ALOX15: variants seen among roughly 807,000 people sequenced by gnomAD.
The protein encoded by ALOX15 is arachidonate 15-lipoxygenase, also known as polyunsaturated fatty acid lipoxygenase ALOX15.
A neutral mutation model predicts 71.7 loss-of-function variants in ALOX15; 68 were observed. That is an observed-to-expected ratio of 0.95 (90% CI 0.78 to 1.16). The LOEUF is 1.16. Ranked by LOEUF, ALOX15 falls within the 50% of genes most tolerant of loss-of-function variation. The pLI is 0.00. For synonymous variants in ALOX15, 346 were observed against 333.3 expected (o/e 1.04, Z -0.42); for missense variants, 798 against 818.8 (o/e 0.97, Z 0.31).
Position 4,631,752 on chromosome 17 carries a change from A to C in ALOX15, c.1837T>G (p.Tyr613Asp). 6 of 1,613,614 alleles carry C rather than the reference A, an allele frequency of 3.7e-6. No individual in the cohort carries two copies. Among genetic ancestry groups the C allele is most frequent in the Non-Finnish European group, 5.1e-6 (6 of 1,179,946 alleles). ...MVAVGQHEEE[Y>D]FSGPEPKAVL... ...GCCTTAGGCTCAGGGCCCGAAAAAT[A>C]CTCCTCCTCATGCTGGCCCACAGCC... The change falls in exon 14 of 14, where the codon TAT becomes GAT. Residue 613 changes from tyrosine to aspartate, a missense_variant. This residue lies in a region of ALOX15 where 490 missense variants were observed against 509.4 expected (regional missense o/e 0.96). Coordinates refer to ENST00000293761, the MANE Select transcript of ALOX15 (RefSeq NM_001140.5).
At position 4,639,048 on chromosome 17, in the gene ALOX15, CACCGGTACA is replaced by C. The variant is rs1567648767; in HGVS notation, c.413_419+2del. 10 of 1,614,210 alleles carry C rather than the reference CACCGGTACA, an allele frequency of 6.2e-6. No homozygotes were observed. Among genetic ancestry groups the C allele is most frequent in the Non-Finnish European group, 7.6e-6 (9 of 1,180,034 alleles). ...CACGTGGGGTCAGGGGAGGAGGGCT[CACCGGTACA>C]ACTTCCTTCTCTCTTCCAGCTCTTC... On this transcript the variant is annotated splice_donor_variant and coding_sequence_variant, in exon 3 of 14. Coordinates refer to ENST00000293761, the MANE Select transcript of ALOX15 (RefSeq NM_001140.5). LOFTEE classifies it high-confidence loss of function.
intron 4 of ALOX15, 44 bp from the exon 5 acceptor site, chr17:4,638,728 G>T (rs1952507914): frequency 6.2e-7 from 1 of 1,612,702 alleles, no homozygotes; most frequent in Admixed American, 1.7e-5. Context: ...TCATTCTGAG[G>T]CTCTAACATG....
At position 4,631,045 on chromosome 17, in the gene ALOX15, T is replaced by C. The variant is rs568615564; in HGVS notation, c.*555A>G. 6.6e-6 allele frequency: 1 copy of C among 152,228 alleles called. No homozygotes were observed. The highest frequency in any genetic ancestry group is 1.5e-5 in the Non-Finnish European group (1 of 68,136). The allele number at this position is 152,228 out of a possible 1,614,324, so 9.4% of individuals were successfully genotyped here. ...AATCCTATTTCCAGCCTAGGCAACA[T>C]AGTGAGGCCCCGTCTCCACGAAAAT... On this transcript the variant is annotated 3_prime_UTR_variant, in exon 14 of 14. Transcript: ENST00000293761.
chr17:4,631,745 G>A lies in ALOX15; in HGVS notation c.1844C>T (p.Ser615Leu), dbSNP rs145920643. The change falls in exon 14 of 14, where the codon TCG becomes TTG. Residue 615 changes from serine to leucine, a missense_variant. By Grantham distance (145) the Ser-to-Leu change is moderately radical. Around this residue, in one of 3 missense-constraint regions of ALOX15, gnomAD observed 490 missense variants for 509.4 expected, o/e 0.96. Transcript: ENST00000293761. ...AVGQHEEEYF[S>L]GPEPKAVLKK... Reference sequence around the variant, plus strand: ...CAGCACAGCCTTAGGCTCAGGGCCCGAAAAATACTCCTCCTCATGCTGGCC... The same window carrying A: ...CAGCACAGCCTTAGGCTCAGGGCCCAAAAAATACTCCTCCTCATGCTGGCC... The A allele has an allele frequency of 4.1e-5, 66 of 1,613,954 alleles. No individual in the cohort carries two copies. Among genetic ancestry groups the A allele is most frequent in the Middle Eastern group, 1.6e-4 (1 of 6,082 alleles).
chr17:4,637,202 G>A lies in ALOX15; in HGVS notation c.864C>T (p.Val288=). The change falls in exon 7 of 14, where the codon GTC becomes GTT. Residue 288 remains valine (V), a synonymous_variant. Coordinates refer to ENST00000293761, the MANE Select transcript of ALOX15 (RefSeq NM_001140.5). ...FSLLDGIKAN[V]ILCSQQHLAA... Reference sequence around the variant, plus strand: ...CCAGGTGCTGCTGGCTACAGAGAATGACGTTGGCCTTGATCCCATCCAGCA... The same window carrying A: ...CCAGGTGCTGCTGGCTACAGAGAATAACGTTGGCCTTGATCCCATCCAGCA... The A allele has an allele frequency of 6.2e-7, 1 of 1,614,090 alleles. No homozygotes were observed. Among genetic ancestry groups the A allele is most frequent in the Non-Finnish European group, 8.5e-7 (1 of 1,179,970 alleles).
chr17:4,641,403 G>A, intron 1 of ALOX15, 114 bp downstream of exon 1: 3 of 1,468,228 alleles, frequency 2.0e-6, no homozygotes, highest in African/African-American at 1.4e-5. Flanking sequence ...CCAATGCGCG[G>A]GCCCTTGGCA....
In ALOX15 at chr17:4,638,962, A is replaced by T; in HGVS notation, c.430T>A (p.Trp144Arg). Residue 144 changes from tryptophan to arginine, a missense_variant, in exon 4 of 14, where the codon TGG becomes AGG. Transcript: ENST00000293761. ...ERRKLYRWGN[W>R]KDGLILNMAG... is the part of the protein sequence containing the mutation. The stretch of plus-strand genomic sequence containing the variant: ...ATATTCAGAATTAACCCGTCCTTCC[A>T]GTTTCCCCACCTGTGGGGCAGGAAG... 6.2e-7 allele frequency: 1 copy of T among 1,614,188 alleles called. No individual in the cohort carries two copies.
In ALOX15 at chr17:4,638,630, A is replaced by C. The variant is rs779398545; in HGVS notation, c.597T>G (p.Asp199Glu). ...DSLNVLTCWK[D>E]LDDFNRIFWC... Reference sequence around the variant, plus strand: ...AGAAAATCCGGTTGAAGTCATCTAGATCCTTCCAGCAAGTCAGAACATTTA... The same window carrying C: ...AGAAAATCCGGTTGAAGTCATCTAGCTCCTTCCAGCAAGTCAGAACATTTA... Residue 199 changes from aspartate (D) to glutamate (E), a missense_variant, in exon 5 of 14, where the codon GAT (aspartate) becomes GAG (glutamate). Coordinates refer to ENST00000293761, the MANE Select transcript of ALOX15 (RefSeq NM_001140.5). 1 of 1,614,118 alleles carries C rather than the reference A, an allele frequency of 6.2e-7. No homozygotes were observed. The highest frequency in any genetic ancestry group is 8.5e-7 in the Non-Finnish European group (1 of 1,180,026).
At chr17:4,633,640 G>A (rs995020424) in intron 8 of ALOX15, 140 bp from the exon 9 acceptor site, 1 of 651,184 alleles carries the variant, frequency 1.5e-6, no homozygotes, top group Non-Finnish European at 2.7e-6. Flanking sequence ...TCAACAGTGA[G>A]TTTTCAGAAG....
rs367894373 is a variant in ALOX15, at chr17:4,633,108, C to T, written c.1418+38G>A. On this transcript the variant is annotated intron_variant, in intron 10 of 13. Coordinates refer to ENST00000293761, the MANE Select transcript of ALOX15 (RefSeq NM_001140.5). ...TGCTCTCCTACATGTCTTCTCCACC[C>T]CCACTTGCACCCCCACTGGCCTTCC... The T allele has an allele frequency of 6.1e-5, 98 of 1,608,702 alleles. No homozygotes were observed. The African/African-American group carries it at 1.1e-3, about 19-fold the overall frequency.
At chr17:4,637,408 A>C in intron 6 of ALOX15, 150 bp from the exon 7 acceptor site, 1 of 817,770 alleles carries the variant, frequency 1.2e-6, no homozygotes, top group Non-Finnish European at 1.7e-6. Context: ...TCCTCATATC[A>C]TTTTTTTTTT....
At chr17:4,639,208 C>T in intron 2 of ALOX15, 76 bp from the exon 3 acceptor site, 1 of 1,563,206 alleles carries the variant, frequency 6.4e-7, no homozygotes, top group South Asian at 1.1e-5. Flanking sequence ...AGAGCCTCAG[C>T]ACCCCGTCCT....
At chr17:4,634,936 A>ACCAC (rs1911044250) in intron 8 of ALOX15, among the ~76,000 whole-genome samples, 2 of 148,756 alleles carry the variant, frequency 1.3e-5, no homozygotes, top group Admixed American at 6.8e-5. Context: ...CAAGATCGTG[A>ACCAC]CACTGCACTC....
At chr17:4,632,139 C>T (rs1450708616) in intron 12 of ALOX15, 42 bp downstream of exon 12, 6 of 1,613,646 alleles carry the variant, frequency 3.7e-6, no homozygotes, top group Non-Finnish European at 5.1e-6. Context: ...CCCTCCCTCA[C>T]TCCAGGCCCC....
rs551381575 is a variant in ALOX15 at position 4,634,871 on chromosome 17, G to A, written c.1161+888C>T. 5.3e-5 allele frequency among the ~76,000 whole-genome samples: 8 copies of A among 151,794 alleles called. No homozygotes were observed. In the South Asian group the frequency reaches 1.0e-3, roughly 20 times the overall value. ...GCAGGCACCTGAATCCCAGCTACTC[G>A]GGAGGCTGAAGCAGGAGAATTGCTT... On this transcript the variant is annotated intron_variant, in intron 8 of 13. Coordinates refer to ENST00000293761, the MANE Select transcript of ALOX15 (RefSeq NM_001140.5).
chr17:4,632,999 CA>C lies in ALOX15; in HGVS notation c.1419-18del. The C allele has an allele frequency of 6.2e-7, 1 of 1,614,090 alleles. No individual in the cohort carries two copies. The highest frequency in any genetic ancestry group is 1.1e-5 in the South Asian group (1 of 91,076). ...TCCACATACCTACCAACCAACGGAG[CA>C]GGGCCAGGGAGCTGAAGCCAGCTCT... On this transcript the variant is annotated intron_variant, in intron 10 of 13. Coordinates refer to ENST00000293761, the MANE Select transcript of ALOX15 (RefSeq NM_001140.5).
Position 4,641,633 on chromosome 17 carries a change from G to C in ALOX15, c.19C>G (p.Arg7Gly), listed in dbSNP as rs1293114963. The change falls in exon 1 of 14, where the codon CGC (arginine) becomes GGC (glycine). Residue 7 changes from arginine (R) to glycine (G), a missense_variant. Physicochemically the swap from Arg to Gly is moderately radical, Grantham distance 125. This residue lies in a region of ALOX15 where 300 missense variants were observed against 283.1 expected (regional missense o/e 1.06). Coordinates refer to ENST00000293761, the MANE Select transcript of ALOX15 (RefSeq NM_001140.5). The stretch of plus-strand genomic sequence containing the variant: ...TAGAGCGAGGCCCCAGTGGACACGC[G>C]GATGCGGTAGAGACCCATCTTGCTC... MGLYRI[R>G]VSTGASLYAG... The C allele has an allele frequency of 6.2e-7, 1 of 1,613,540 alleles. No homozygotes were observed. Among genetic ancestry groups the C allele is most frequent in the African/African-American group, 1.3e-5 (1 of 74,936 alleles).
intron 8 of ALOX15, 50 bp from the exon 9 acceptor site, chr17:4,633,550 T>C (rs1386015363): frequency 9.9e-6 from 15 of 1,514,804 alleles, no homozygotes; most frequent in Non-Finnish European, 1.4e-5. Context: ...AGCTGCAAGA[T>C]CCCTGCAGGA....
intron 11 of ALOX15, 101 bp from the exon 12 acceptor site, chr17:4,632,382 G>C (rs1597429114): frequency 2.1e-6 from 2 of 952,436 alleles, no homozygotes; most frequent in East Asian, 5.1e-5. Flanking sequence ...AAGAGCGGCA[G>C]GAATGCTCAG....
Sources: gnomAD v4.1 joint callset for allele counts (sites outside exome capture counted in the v4.1 genomes callset) on GRCh38, gnomAD v4.1.1 for gene constraint, gnomAD v4.1.1 regional missense constraint, MANE v1.5 for transcripts, NCBI Gene and HGNC (gene_info 2026-07-23, HGNC 2026-07-21) for gene names.